ABHD2: variants seen among roughly 807,000 people sequenced by gnomAD.
The protein encoded by ABHD2 is monoacylglycerol lipase ABHD2.
In ABHD2, 20 loss-of-function variants were observed where a neutral mutation model predicts 48.1. The ratio of observed to expected loss-of-function variants is 0.42; its 90% CI spans 0.29 to 0.60. ABHD2 has a LOEUF of 0.60. ABHD2 is among the 20% of genes least tolerant of loss of function. ABHD2 has a pLI of 0.24. For missense variants in ABHD2, 405 were observed against 550.9 expected, an observed-to-expected ratio of 0.74 and a Z score of 2.65; for synonymous variants, 209 against 214.2, an observed-to-expected ratio of 0.98 and a Z score of 0.21.
the ABHD2 span, among the ~76,000 whole-genome samples, chr15:89,072,526 G>A: frequency 1.1e-4 from 16 of 143,766 alleles, no homozygotes; most frequent in Non-Finnish European, 2.0e-4. Flanking sequence ...ATGAGCAGGA[G>A]GGGGAGGGGA....
chr15:89,152,415 G>A (rs886899669), intron 4 of ABHD2, among the ~76,000 whole-genome samples: 1 of 152,202 alleles, frequency 6.6e-6, no homozygotes, highest in Non-Finnish European at 1.5e-5. Context: ...AAATACAGAA[G>A]CTTGATGTAC....
At chr15:89,070,571 G>A in the ABHD2 span, among the ~76,000 whole-genome samples, 9 of 152,298 alleles carry the variant, frequency 5.9e-5, no homozygotes, top group Admixed American at 1.3e-4. Flanking sequence ...AGAAGAACAG[G>A]GATGGGGTAA....
Position 89,188,634 on chromosome 15 carries a change from G to A in ABHD2, c.926+331G>A, listed in dbSNP as rs1377392728. ...GTCCTGCCTCAACACCAGGGCAAGT[G>A]TCAGGTGCCACATAAATCTGCATTT... On this transcript the variant is annotated intron_variant, in intron 8 of 10. Coordinates refer to ENST00000352732, the MANE Select transcript of ABHD2 (RefSeq NM_152924.5). This position sits in a 1 kb window ranked among gnomAD's most constrained non-coding sequence, Gnocchi z 4.1. 6.6e-6 allele frequency among the ~76,000 whole-genome samples: 1 copy of A among 152,208 alleles called. No individual in the cohort carries two copies. Among genetic ancestry groups the A allele is most frequent in the South Asian group, 2.1e-4 (1 of 4,836 alleles).
chr15:89,125,383 C>T (rs1380777884), intron 3 of ABHD2, among the ~76,000 whole-genome samples: 1 of 152,174 alleles, frequency 6.6e-6, no homozygotes, highest in African/African-American at 2.4e-5. Flanking sequence ...AGCATATTCA[C>T]CTGCAAACTT....
rs1459642925 is a variant in ABHD2, at chr15:89,188,214, T to G, written c.837T>G (p.His279Gln). 6.2e-7 allele frequency: 1 copy of G among 1,614,168 alleles called. No individual in the cohort carries two copies. The highest frequency in any genetic ancestry group is 1.3e-5 in the African/African-American group (1 of 75,066). The change falls in exon 8 of 11, where the codon CAT (histidine) becomes CAG (glutamine). Residue 279 changes from histidine to glutamine, a missense_variant. Physicochemically the swap from His to Gln is conservative, Grantham distance 24. Transcript: ENST00000352732. This position sits in a 1 kb window ranked among gnomAD's most constrained non-coding sequence, Gnocchi z 4.1. Reference sequence around the variant, plus strand: ...CTAGGCAAGCTCTTTTTGGAGACCATGTTAAGAAACCCCAGAGCCTGGAAG... The same window carrying G: ...CTAGGCAAGCTCTTTTTGGAGACCAGGTTAAGAAACCCCAGAGCCTGGAAG... ...LSHRQALFGD[H>Q]VKKPQSLEDT...
chr15:89,154,068 G>T (rs1204759420), intron 4 of ABHD2, among the ~76,000 whole-genome samples: 4 of 152,102 alleles, frequency 2.6e-5, no homozygotes, highest in Non-Finnish European at 5.9e-5. Flanking sequence ...GAATTTACTA[G>T]GTCGAAGCTT....
At position 89,166,627 on chromosome 15, in the gene ABHD2, C is replaced by T. The variant is rs141249176; in HGVS notation, c.539-9185C>T. Among the ~76,000 whole-genome samples the T allele has an allele frequency of 1.0e-3, 157 of 152,000 alleles. No individual in the cohort carries two copies. Among genetic ancestry groups the T allele is most frequent in the African/African-American group, 3.5e-3 (147 of 41,452 alleles). ...TTGGGCTGGGTACAGTGGCTCACAC[C>T]TTTAATCACAGTGAGACCTCATTTC... On this transcript the variant is annotated intron_variant, in intron 5 of 10. Transcript: ENST00000352732. The surrounding 1 kb of genome is among the most constrained non-coding windows in gnomAD (Gnocchi z 4.6).
chr15:89,119,152 T>C (rs2050008332), intron 3 of ABHD2, among the ~76,000 whole-genome samples: 1 of 152,218 alleles, frequency 6.6e-6, no homozygotes, highest in Non-Finnish European at 1.5e-5. Flanking sequence ...GACTTAGCTA[T>C]GGTTTGAAGG....
chr15:89,138,698 A>G lies in ABHD2; in HGVS notation c.195-12979A>G, dbSNP rs868649148. On this transcript the variant is annotated intron_variant, in intron 3 of 10. Coordinates refer to ENST00000352732, the MANE Select transcript of ABHD2 (RefSeq NM_152924.5). ...AATTCAGTTTTCAATTTGAAGAAAC[A>G]TTATTTAATATAGAACATTTTGACA... is the stretch of plus-strand genomic sequence containing the variant. Among the ~76,000 whole-genome samples, 3 of 152,314 alleles carry G rather than the reference A, an allele frequency of 2.0e-5. No homozygotes were observed. In the Middle Eastern group the frequency reaches 0.01, roughly 518 times the overall value.
In ABHD2 at chr15:89,137,745, G is replaced by A. The variant is rs2050338226; in HGVS notation, c.195-13932G>A. On this transcript the variant is annotated intron_variant, in intron 3 of 10. Coordinates refer to ENST00000352732, the MANE Select transcript of ABHD2 (RefSeq NM_152924.5). This position sits in a 1 kb window ranked among gnomAD's most constrained non-coding sequence, Gnocchi z 4.8. ...GTGAGGGGAAAATGCTGTGTTCAAA[G>A]TGGATTTCTGATGAGCCTATTAATG... is the stretch of plus-strand genomic sequence containing the variant. Among the ~76,000 whole-genome samples, 1 of 152,236 alleles carries A rather than the reference G, an allele frequency of 6.6e-6. No individual in the cohort carries two copies. The highest frequency in any genetic ancestry group is 2.4e-5 in the African/African-American group (1 of 41,458).
chr15:89,169,014 C>T (rs891707882), intron 5 of ABHD2, among the ~76,000 whole-genome samples: 1 of 152,038 alleles, frequency 6.6e-6, no homozygotes, highest in Non-Finnish European at 1.5e-5. Flanking sequence ...ACGTCTTGAG[C>T]TTGGGGAGGT....
At chr15:89,051,089 T>C in the ABHD2 span, among the ~76,000 whole-genome samples, 1 of 152,036 alleles carries the variant, frequency 6.6e-6, no homozygotes, top group Admixed American at 6.6e-5. Flanking sequence ...AAAAATTAGC[T>C]GGGCGTGGTG....
chr15:89,200,800 A>T lies in ABHD2; in HGVS notation c.*5377A>T, dbSNP rs1302160698. 4 of 258,498 alleles carry T rather than the reference A, an allele frequency of 1.5e-5. No individual in the cohort carries two copies. The highest frequency in any genetic ancestry group is 3.1e-5 in the Non-Finnish European group (4 of 130,416). The allele number at this position is 258,498 out of a possible 1,614,324, so 16.0% of individuals were successfully genotyped here. On this transcript the variant is annotated 3_prime_UTR_variant, in exon 11 of 11. Transcript: ENST00000352732. ...AATTTCCCTAGAAAGAATCCAATGAAGGCCGGGCATAGTGGCTCACTCCTG... is the reference window on the plus strand; with the variant it reads ...AATTTCCCTAGAAAGAATCCAATGATGGCCGGGCATAGTGGCTCACTCCTG...
the ABHD2 span, among the ~76,000 whole-genome samples, chr15:89,066,313 A>C: frequency 6.6e-6 from 1 of 152,126 alleles, no homozygotes; most frequent in East Asian, 1.9e-4. Flanking sequence ...AGTTGCTGGC[A>C]ATCCTTAGTG....
upstream of ABHD2, among the ~76,000 whole-genome samples, chr15:89,084,747 C>T (rs925599919): frequency 6.6e-6 from 1 of 152,284 alleles, no homozygotes; most frequent in East Asian, 1.9e-4. The surrounding 1 kb of genome is among the most constrained non-coding windows in gnomAD (Gnocchi z 4.4). Flanking sequence ...CTGTGGCAAA[C>T]ATTTATTAAA....
At chr15:89,050,473 C>T in the ABHD2 span, among the ~76,000 whole-genome samples, 1 of 152,176 alleles carries the variant, frequency 6.6e-6, no homozygotes, top group Non-Finnish European at 1.5e-5. Context: ...TTAAGTTCCC[C>T]CCAGTTTAGC....
chr15:89,161,806 A>G (rs563949450), intron 5 of ABHD2, among the ~76,000 whole-genome samples: 1 of 152,306 alleles, frequency 6.6e-6, no homozygotes, highest in South Asian at 2.1e-4. Context: ...AACTGTCTTC[A>G]TTTGTTAGGA....
the ABHD2 span, among the ~76,000 whole-genome samples, chr15:89,072,036 C>G: frequency 4.6e-5 from 7 of 152,192 alleles, no homozygotes; most frequent in African/African-American, 1.7e-4. Context: ...TAGCTGGTCA[C>G]CCAAGCTGTA....
the ABHD2 span, among the ~76,000 whole-genome samples, chr15:89,061,386 C>G: frequency 6.6e-6 from 1 of 151,920 alleles, no homozygotes; most frequent in Non-Finnish European, 1.5e-5. Flanking sequence ...CCATTGCACT[C>G]CAGCCTAAGC....
Sources: allele counts gnomAD v4.1 joint callset (sites outside exome capture counted in the v4.1 genomes callset), GRCh38; gene constraint gnomAD v4.1.1; non-coding constraint Gnocchi (gnomAD v3.1); transcripts MANE v1.5; gene names NCBI Gene and HGNC (gene_info 2026-07-23, HGNC 2026-07-21).